CFAP92: variants seen among roughly 807,000 people sequenced by gnomAD.
The protein encoded by CFAP92 is cilia and flagella associated protein 92 (putative), also known as uncharacterized protein CFAP92.
A neutral mutation model predicts 106.3 loss-of-function variants in CFAP92; 86 were observed. The ratio of observed to expected loss-of-function variants is 0.81; its 90% confidence interval spans 0.68 to 0.97. CFAP92 has a LOEUF of 0.97. CFAP92 is among the 50% of genes least tolerant of loss of function. The pLI, the probability that CFAP92 is intolerant of heterozygous loss-of-function variation, is 0.00. For synonymous variants in CFAP92, 477 were observed against 506.4 expected, an observed-to-expected ratio of 0.94 and a Z score of 0.78; for missense variants, 1,204 against 1,283.8, an observed-to-expected ratio of 0.94 and a Z score of 0.95.
chr3:128,922,274 T>G (rs1299466458), intron 12 of CFAP92, among the ~76,000 whole-genome samples: 1 of 150,110 alleles, frequency 6.7e-6, no homozygotes, highest in Non-Finnish European at 1.5e-5. Flanking sequence ...ACCCAGGAGG[T>G]GGAGCTTGCA....
chr3:128,952,121 TTTC>T lies in CFAP92; in HGVS notation c.1354-6149_1354-6147del, dbSNP rs200416763. 9.8e-3 allele frequency among the ~76,000 whole-genome samples: 1,471 copies of T among 149,482 alleles called. 12 individuals carry two copies. Among genetic ancestry groups the T allele is most frequent in the African/African-American group, 0.033 (1,364 of 41,000 alleles). On this transcript the variant is annotated intron_variant, in intron 9 of 15. Coordinates refer to ENST00000645291, the MANE Select transcript of CFAP92 (RefSeq NM_001394090.1). ...CTACACATACAATTTTTTTCTTTCT[TTTC>T]TTCTTCTTCTTCTTTTTTTTTTTTT...
intron 15 of CFAP92, chr3:128,912,595 C>A (rs1276927038): frequency 1.2e-6 from 2 of 1,613,986 alleles, no homozygotes; most frequent in Non-Finnish European, 1.7e-6. Flanking sequence ...ACCCTCTGGA[C>A]AGGACATGCT....
chr3:128,920,801 A>G (rs1937211416), intron 12 of CFAP92, among the ~76,000 whole-genome samples: 2 of 152,228 alleles, frequency 1.3e-5, no homozygotes, highest in Non-Finnish European at 2.9e-5. Context: ...AACAGCGCAT[A>G]AAACCCCTCG....
At chr3:128,972,941 C>T (rs1377863113) in intron 7 of CFAP92, among the ~76,000 whole-genome samples, 5 of 151,994 alleles carry the variant, frequency 3.3e-5, no homozygotes, top group African/African-American at 9.7e-5. Flanking sequence ...GTGATCATCC[C>T]CTCAGTCTTG....
At chr3:128,994,090 G>A (rs915428398), upstream of CFAP92, 1 of 985,816 alleles carries the variant, frequency 1.0e-6, no homozygotes. Flanking sequence ...AGGAGCGTCC[G>A]CCGGTGCAGG....
At chr3:128,939,459 A>G (rs542358335) in intron 10 of CFAP92, among the ~76,000 whole-genome samples, 2 of 152,264 alleles carry the variant, frequency 1.3e-5, no homozygotes, top group South Asian at 2.1e-4. Flanking sequence ...TTTAATTGAG[A>G]TATAATTTAC....
At chr3:128,911,391 G>A (rs373040189) in intron 15 of CFAP92, among the ~76,000 whole-genome samples, 1 of 151,986 alleles carries the variant, frequency 6.6e-6, no homozygotes, top group East Asian at 1.9e-4. Context: ...CAAGTGCAGA[G>A]CCCTTTGCGC....
intron 9 of CFAP92, among the ~76,000 whole-genome samples, chr3:128,962,982 G>T (rs62265314): frequency 1.2e-3 from 176 of 151,710 alleles, no homozygotes; most frequent in African/African-American, 3.9e-3. Flanking sequence ...CTTTGCACCC[G>T]TCATCCCAGC....
At chr3:128,999,871 A>G (rs1016944670) in intron 1 of CFAP92, among the ~76,000 whole-genome samples, 3 of 152,208 alleles carry the variant, frequency 2.0e-5, no homozygotes, top group African/African-American at 7.2e-5. Context: ...AGAACATCTT[A>G]ACAAAAGGGA....
chr3:128,912,816 T>A (rs1354911252), intron 15 of CFAP92: 1 of 717,178 alleles, frequency 1.4e-6, no homozygotes, highest in South Asian at 1.4e-5. Flanking sequence ...CATCACAGCT[T>A]CTGAACTGAG....
At chr3:128,918,940 A>ATTTTTTTTTTTTTTT (rs10573280) in intron 12 of CFAP92, among the ~76,000 whole-genome samples, 5 of 105,860 alleles carry the variant, frequency 4.7e-5, no homozygotes, top group African/African-American at 1.9e-4. Context: ...CTCAGATTGG[A>ATTTTTTTTTTTTTTT]TTTTTTTTTT....
At position 128,977,035 on chromosome 3, in the gene CFAP92, G is replaced by C. The variant is rs758543059; in HGVS notation, c.840C>G (p.Ser280=). Residue 280 remains serine, a synonymous_variant, in exon 6 of 16, where the codon TCC becomes TCG. Coordinates refer to ENST00000645291, the MANE Select transcript of CFAP92 (RefSeq NM_001394090.1). ...GSHQAEPETS[S]KNSEEYEKSL... ...ACTTCTCATATTCCTCACTGTTCTT[G>C]GAAGAAGTTTCGGGCTCTGCTTGGT... 1 of 1,613,702 alleles carries C rather than the reference G, an allele frequency of 6.2e-7. No homozygotes were observed. The highest frequency in any genetic ancestry group is 1.1e-5 in the South Asian group (1 of 91,078).
chr3:128,924,428 G>GTT (rs1937525227), intron 12 of CFAP92, among the ~76,000 whole-genome samples: 1 of 109,618 alleles, frequency 9.1e-6, no homozygotes, highest in Non-Finnish European at 1.8e-5. Flanking sequence ...TAGAACGATT[G>GTT]TATCTTTTTT....
chr3:128,952,190 G>A (rs1940880110), intron 9 of CFAP92, among the ~76,000 whole-genome samples: 1 of 150,116 alleles, frequency 6.7e-6, no homozygotes, highest in Non-Finnish European at 1.5e-5. Flanking sequence ...GAGTGCAGTG[G>A]TGCAATCATA....
At chr3:128,932,651 C>A (rs991076485) in intron 12 of CFAP92, 49 bp downstream of exon 12, 2 of 1,486,930 alleles carry the variant, frequency 1.3e-6, no homozygotes, top group African/African-American at 1.4e-5. Flanking sequence ...GCGCCTGGAC[C>A]GCCCAGGTGA....
chr3:128,979,727 C>T (rs1232811093), intron 4 of CFAP92, among the ~76,000 whole-genome samples: 2 of 150,276 alleles, frequency 1.3e-5, no homozygotes, highest in African/African-American at 4.9e-5. Flanking sequence ...TGTTCTCACT[C>T]ATAGGTGGGA....
intron 10 of CFAP92, among the ~76,000 whole-genome samples, chr3:128,944,292 T>C (rs1939980479): frequency 6.6e-6 from 1 of 151,888 alleles, no homozygotes; most frequent in Non-Finnish European, 1.5e-5. Context: ...TACAAGCTCT[T>C]GTGTGGACAT....
chr3:128,999,812 G>C (rs1944637196), intron 1 of CFAP92, among the ~76,000 whole-genome samples: 1 of 151,912 alleles, frequency 6.6e-6, no homozygotes, highest in Admixed American at 6.6e-5. Flanking sequence ...CAAAGTGGTG[G>C]GATTACAGGC....
Position 128,976,984 on chromosome 3 carries a change from C to T in CFAP92, c.891G>A (p.Thr297=), listed in dbSNP as rs201972279. 5 of 1,613,114 alleles carry T rather than the reference C, an allele frequency of 3.1e-6. No homozygotes were observed. The highest frequency in any genetic ancestry group is 3.3e-5 in the Admixed American group (2 of 60,014). Residue 297 remains threonine (T), a synonymous_variant, in exon 6 of 16, where the codon ACG becomes ACA. Coordinates refer to ENST00000645291, the MANE Select transcript of CFAP92 (RefSeq NM_001394090.1). ...EKSLKMDDSS[T]IQWSVSRTPT... ...AAATATCGTTCAATCCTTACTGAAT[C>T]GTGGAAGAATCGTCCATTTTGAGGG... is the stretch of plus-strand genomic sequence containing the variant.
Sources: gnomAD v4.1 joint callset for allele counts (sites outside exome capture counted in the v4.1 genomes callset) on GRCh38, gnomAD v4.1.1 for gene constraint, MANE v1.5 for transcripts, NCBI Gene and HGNC (gene_info 2026-07-23, HGNC 2026-07-21) for gene names.